Variants in FSTL5 observed in about 807,000 individuals in gnomAD.
FSTL5 encodes follistatin-related protein 5.
In FSTL5, 62 loss-of-function variants were observed where a neutral mutation model predicts 89.1. The observed-to-expected ratio is 0.70, with a 90% CI of 0.57 to 0.86. The LOEUF is 0.86. Among genes scored for constraint, FSTL5 ranks in the 40% least tolerant of loss-of-function variants. FSTL5 has a pLI of 0.00. For synonymous variants in FSTL5, 383 were observed against 346.2 expected (o/e 1.11, Z -1.18); for missense variants, 1,057 against 1,001.6 (o/e 1.06, Z -0.75).
intron 4 of FSTL5, among the ~76,000 whole-genome samples, chr4:161,801,089 A>G (rs1053065840): frequency 6.6e-6 from 1 of 151,588 alleles, no homozygotes; most frequent in African/African-American, 2.4e-5. Context: ...CACTTGTCAT[A>G]TTCTGAAGAT....
At chr4:161,836,117 T>C (rs1277678644) in intron 4 of FSTL5, among the ~76,000 whole-genome samples, 1 of 151,908 alleles carries the variant, frequency 6.6e-6, no homozygotes, top group Non-Finnish European at 1.5e-5. Flanking sequence ...TGGAATACTA[T>C]GCAGCCATAA....
At chr4:161,967,487 A>G (rs1371526869) in intron 3 of FSTL5, among the ~76,000 whole-genome samples, 2 of 152,026 alleles carry the variant, frequency 1.3e-5, no homozygotes, top group African/African-American at 4.8e-5. Context: ...ACAAAACTTT[A>G]TGAAGAGGAA....
At chr4:161,681,546 T>C (rs575296838) in intron 6 of FSTL5, among the ~76,000 whole-genome samples, 13 of 152,202 alleles carry the variant, frequency 8.5e-5, no homozygotes, top group Admixed American at 3.3e-4. Flanking sequence ...AGTCTCCTAA[T>C]AGCCCTGGCA....
At chr4:162,147,606 A>G (rs1714543296) in intron 1 of FSTL5, among the ~76,000 whole-genome samples, 1 of 152,218 alleles carries the variant, frequency 6.6e-6, no homozygotes, top group African/African-American at 2.4e-5. Context: ...TGTAAGTTAC[A>G]GTTCTCCTTG....
intron 3 of FSTL5, among the ~76,000 whole-genome samples, chr4:161,927,289 A>G (rs1023820741): frequency 6.6e-6 from 1 of 151,758 alleles, no homozygotes; most frequent in African/African-American, 2.4e-5. Context: ...GAATAAACCC[A>G]ACACTTAAAA....
At chr4:161,580,359 G>A (rs1458907545) in intron 8 of FSTL5, among the ~76,000 whole-genome samples, 1 of 152,156 alleles carries the variant, frequency 6.6e-6, no homozygotes, top group Non-Finnish European at 1.5e-5. Flanking sequence ...TTGTTATTAA[G>A]TGAAGAACTT....
At chr4:161,614,799 A>T (rs2126639023) in intron 7 of FSTL5, among the ~76,000 whole-genome samples, 1 of 152,344 alleles carries the variant, frequency 6.6e-6, no homozygotes, top group South Asian at 2.1e-4. Context: ...TGTAATTAAA[A>T]TAATTTTATT....
chr4:161,829,146 T>C (rs1027337422), intron 4 of FSTL5, among the ~76,000 whole-genome samples: 2 of 146,774 alleles, frequency 1.4e-5, no homozygotes, highest in African/African-American at 4.9e-5. Flanking sequence ...ATTTTATATA[T>C]ATATATATAT....
intron 4 of FSTL5, among the ~76,000 whole-genome samples, chr4:161,893,261 A>G (rs944798012): frequency 6.6e-6 from 1 of 152,148 alleles, no homozygotes; most frequent in Admixed American, 6.5e-5. Context: ...ACCTTTATCA[A>G]AGAGAAGCTC....
chr4:161,727,999 A>T (rs1739477400), intron 6 of FSTL5, among the ~76,000 whole-genome samples: 1 of 152,178 alleles, frequency 6.6e-6, no homozygotes, highest in Admixed American at 6.5e-5. Context: ...ACAAACAAAC[A>T]AAACATGGAA....
chr4:161,655,738 CAT>C (rs896324258), intron 7 of FSTL5, among the ~76,000 whole-genome samples: 6 of 152,122 alleles, frequency 3.9e-5, no homozygotes, highest in East Asian at 1.9e-4. Context: ...AAATTAACAA[CAT>C]ATATTTTTAG....
intron 13 of FSTL5, among the ~76,000 whole-genome samples, chr4:161,463,829 T>C (rs1263455397): frequency 6.6e-6 from 1 of 152,202 alleles, no homozygotes; most frequent in Non-Finnish European, 1.5e-5. Flanking sequence ...CTTCCTCCCA[T>C]ACTTCACATC....
intron 6 of FSTL5, among the ~76,000 whole-genome samples, chr4:161,704,354 G>A (rs1738500347): frequency 6.6e-6 from 1 of 151,988 alleles, no homozygotes; most frequent in South Asian, 2.1e-4. Flanking sequence ...ACTGTGCTCC[G>A]ACCACCTTGG....
At chr4:161,595,409 A>C (rs955773532) in intron 7 of FSTL5, among the ~76,000 whole-genome samples, 2 of 152,054 alleles carry the variant, frequency 1.3e-5, no homozygotes, top group African/African-American at 4.8e-5. Flanking sequence ...TTCAATCTTT[A>C]TGAGCCTCTA....
chr4:161,702,094 A>G (rs1169556493), intron 6 of FSTL5, among the ~76,000 whole-genome samples: 1 of 152,162 alleles, frequency 6.6e-6, no homozygotes, highest in Non-Finnish European at 1.5e-5. Flanking sequence ...TAAAAATCTA[A>G]TCATAGCATT....
chr4:161,484,809 A>C (rs1266962879), intron 12 of FSTL5, among the ~76,000 whole-genome samples: 6 of 152,184 alleles, frequency 3.9e-5, no homozygotes, highest in Admixed American at 2.6e-4. Context: ...CTTGCTTTCA[A>C]GTTGCCTGTA....
At chr4:161,959,390 T>C (rs1353916072) in intron 3 of FSTL5, among the ~76,000 whole-genome samples, 2 of 152,054 alleles carry the variant, frequency 1.3e-5, no homozygotes, top group African/African-American at 2.4e-5. Flanking sequence ...AATAAAGTCT[T>C]ACAGCTAACA....
chr4:161,391,986 T>C (rs138166425), intron 15 of FSTL5, among the ~76,000 whole-genome samples: 258 of 152,294 alleles, frequency 1.7e-3, no homozygotes, highest in African/African-American at 6.0e-3. Context: ...TTTTAGACTT[T>C]TTTTCCTTAA....
At chr4:161,629,686 A>C (rs1323030416) in intron 7 of FSTL5, among the ~76,000 whole-genome samples, 1 of 152,168 alleles carries the variant, frequency 6.6e-6, no homozygotes, top group Non-Finnish European at 1.5e-5. Flanking sequence ...GGAGGGAAGA[A>C]AATGGGATTT....
Sources: gnomAD v4.1 joint callset for allele counts (sites outside exome capture counted in the v4.1 genomes callset) on GRCh38, gnomAD v4.1.1 for gene constraint, MANE v1.5 for transcripts, NCBI Gene and HGNC (gene_info 2026-07-23, HGNC 2026-07-21) for gene names.